Variants in BLTP1 observed in about 807,000 individuals in gnomAD.
BLTP1 encodes bridge-like lipid transfer protein family member 1, also known as fragile site-associated protein.
chr4:122,238,077 C>T, the BLTP1 span: 2 of 1,611,158 alleles, frequency 1.2e-6, no homozygotes, highest in Non-Finnish European at 1.7e-6. Flanking sequence ...CTTAACCCAC[C>T]TTTTGTTTGT....
chr4:122,154,324 C>T, the BLTP1 span: 2 of 984,882 alleles, frequency 2.0e-6, no homozygotes, highest in South Asian at 9.4e-5. Flanking sequence ...TTCTGACTTT[C>T]TGCTTCAGTT....
At chr4:122,336,411 G>C in the BLTP1 span, 1 of 1,185,150 alleles carries the variant, frequency 8.4e-7, no homozygotes, top group Non-Finnish European at 1.2e-6. Context: ...TTATTATATA[G>C]AAGGTTTTCT....
At chr4:122,152,439 G>A in the BLTP1 span, 1 of 985,870 alleles carries the variant, frequency 1.0e-6, no homozygotes, top group Non-Finnish European at 1.2e-6. Context: ...GGGCGGCGGG[G>A]CTAAAGGGTG....
At chr4:122,237,066 T>C in the BLTP1 span, 5 of 984,524 alleles carry the variant, frequency 5.1e-6, no homozygotes, top group African/African-American at 1.7e-5. Flanking sequence ...CTTTCATTGC[T>C]CTATTTTACA....
At chr4:122,188,304 A>G in the BLTP1 span, 3 of 538,780 alleles carry the variant, frequency 5.6e-6, no homozygotes, top group African/African-American at 4.1e-5. Context: ...CTGCATGATT[A>G]TAACTATAAT....
the BLTP1 span, among the ~76,000 whole-genome samples, chr4:122,239,250 GA>G: frequency 2.0e-5 from 3 of 152,056 alleles, no homozygotes; most frequent in Non-Finnish European, 4.4e-5. Flanking sequence ...AGTGTCCATG[GA>G]TTATGGATAG....
At chr4:122,257,410 A>T in the BLTP1 span, 2 of 1,614,044 alleles carry the variant, frequency 1.2e-6, no homozygotes, top group Admixed American at 3.3e-5. Context: ...TGGACCATGA[A>T]CATGAAGATG....
At chr4:122,290,956 T>TA in the BLTP1 span, 354 of 837,022 alleles carry the variant, frequency 4.2e-4, no homozygotes, top group Non-Finnish European at 4.4e-4. Flanking sequence ...TTTCTTATGG[T>TA]AAAAAAAACA....
At chr4:122,277,380 A>G in the BLTP1 span, 1 of 870,708 alleles carries the variant, frequency 1.1e-6, no homozygotes, top group Non-Finnish European at 1.4e-6. Context: ...TATGTGTCAA[A>G]CACTACTTCA....
At chr4:122,187,582 G>T in the BLTP1 span, 2 of 1,431,456 alleles carry the variant, frequency 1.4e-6, no homozygotes, top group Non-Finnish European at 1.9e-6. Context: ...TTGCAAATAT[G>T]ATTTTAATGT....
the BLTP1 span, chr4:122,316,284 C>T: frequency 1.2e-5 from 5 of 400,196 alleles, no homozygotes; most frequent in South Asian, 2.0e-5. Context: ...ACTATTATAC[C>T]ATGAAATAGT....
chr4:122,286,345 A>C, the BLTP1 span: 1 of 691,246 alleles, frequency 1.4e-6, no homozygotes, highest in Non-Finnish European at 1.8e-6. Flanking sequence ...TACTGGCTTA[A>C]TAATACTTGC....
chr4:122,227,539 T>C, the BLTP1 span: 1 of 899,752 alleles, frequency 1.1e-6, no homozygotes, highest in Non-Finnish European at 1.3e-6. Context: ...CTTACCCTGG[T>C]TCTACAACAC....
the BLTP1 span, chr4:122,305,831 A>T: frequency 6.7e-7 from 1 of 1,485,868 alleles, no homozygotes; most frequent in South Asian, 1.3e-5. Flanking sequence ...TCATATTAAA[A>T]CTTTTTCCAT....
the BLTP1 span, chr4:122,353,395 A>G: frequency 3.9e-6 from 1 of 259,050 alleles, no homozygotes; most frequent in Non-Finnish European, 6.0e-6. This position sits in a 1 kb window ranked among gnomAD's most constrained non-coding sequence, Gnocchi z 4.3. Context: ...AACATAAGTC[A>G]TGGTAATAGT....
At chr4:122,180,031 CACACACACACACAT>C in the BLTP1 span, 54 of 852,820 alleles carry the variant, frequency 6.3e-5, no homozygotes, top group Admixed American at 7.2e-5. Flanking sequence ...CATGTACACA[CACACACACACACAT>C]ACACACACAC....
At chr4:122,264,632 T>G in the BLTP1 span, among the ~76,000 whole-genome samples, 1 of 152,226 alleles carries the variant, frequency 6.6e-6, no homozygotes, top group African/African-American at 2.4e-5. Context: ...ATGTAATCAT[T>G]AAATAGAAGA....
At chr4:122,208,899 T>C in the BLTP1 span, among the ~76,000 whole-genome samples, 1 of 149,210 alleles carries the variant, frequency 6.7e-6, no homozygotes, top group Non-Finnish European at 1.5e-5. Flanking sequence ...AAACAGCACA[T>C]TCCTCTAGTC....
chr4:122,275,861 G>T, the BLTP1 span: 1 of 1,230,998 alleles, frequency 8.1e-7, no homozygotes, highest in East Asian at 2.9e-5. Flanking sequence ...TTTAAGAGTG[G>T]GAAATTAGAA....
Sources: gnomAD v4.1 joint callset for allele counts (sites outside exome capture counted in the v4.1 genomes callset) on GRCh38, gnomAD v4.1.1 for gene constraint, Gnocchi (gnomAD v3.1) non-coding constraint, MANE v1.5 for transcripts, NCBI Gene and HGNC (gene_info 2026-07-23, HGNC 2026-07-21) for gene names.